L3MBTL4: variants seen among roughly 807,000 people sequenced by gnomAD.
L3MBTL4 encodes the protein lethal(3)malignant brain tumor-like protein 4.
In L3MBTL4, 70 loss-of-function variants were observed where a neutral mutation model predicts 84.5. The ratio of observed to expected loss-of-function variants is 0.83; its 90% confidence interval spans 0.68 to 1.01. The LOEUF (loss-of-function observed/expected upper bound fraction) is 1.01. L3MBTL4 is among the 50% of genes least tolerant of loss of function. The pLI, the probability that L3MBTL4 is intolerant of heterozygous loss-of-function variation, is 0.00. For synonymous variants in L3MBTL4, 274 were observed against 259.8 expected (o/e 1.05, Z -0.52); for missense variants, 715 against 754.8 (o/e 0.95, Z 0.62).
intron 16 of L3MBTL4, among the ~76,000 whole-genome samples, chr18:6,062,026 A>T (rs1440550129): frequency 6.6e-6 from 1 of 152,046 alleles, no homozygotes; most frequent in South Asian, 2.1e-4. Flanking sequence ...ATCAATTAAG[A>T]CTATAAAAAG....
intron 16 of L3MBTL4, among the ~76,000 whole-genome samples, chr18:5,993,081 A>G (rs1388605950): frequency 2.0e-5 from 3 of 152,188 alleles, no homozygotes; most frequent in South Asian, 2.1e-4. Flanking sequence ...TATGTCTGAA[A>G]GTTCCAAGAA....
chr18:6,370,788 CCCA>C (rs1326245399), intron 1 of L3MBTL4, among the ~76,000 whole-genome samples: 1 of 152,088 alleles, frequency 6.6e-6, no homozygotes, highest in African/African-American at 2.4e-5. Flanking sequence ...AAGCACTGCC[CCCA>C]CCAAGCAAGC....
intron 16 of L3MBTL4, among the ~76,000 whole-genome samples, chr18:5,986,732 T>A (rs539006400): frequency 6.6e-6 from 1 of 152,316 alleles, no homozygotes; most frequent in South Asian, 2.1e-4. Flanking sequence ...GTGCCTTCCA[T>A]GCAATAGCCT....
At chr18:6,135,259 A>T (rs1426808960) in intron 14 of L3MBTL4, among the ~76,000 whole-genome samples, 4 of 152,170 alleles carry the variant, frequency 2.6e-5, no homozygotes, top group African/African-American at 9.7e-5. Context: ...CTGGGCCTCC[A>T]GGCCTGTGAT....
chr18:5,978,657 A>C (rs2053069228), intron 16 of L3MBTL4, among the ~76,000 whole-genome samples: 2 of 152,194 alleles, frequency 1.3e-5, no homozygotes, highest in African/African-American at 4.8e-5. Context: ...GGCATGCACA[A>C]AACTGAAAGG....
At chr18:6,150,071 T>C (rs1390037715) in intron 13 of L3MBTL4, among the ~76,000 whole-genome samples, 1 of 152,162 alleles carries the variant, frequency 6.6e-6, no homozygotes, top group East Asian at 1.9e-4. Context: ...TCTTGAACTG[T>C]TTTTCCTCTC....
chr18:6,293,431 T>C (rs1349291718), intron 4 of L3MBTL4, among the ~76,000 whole-genome samples: 1 of 151,746 alleles, frequency 6.6e-6, no homozygotes, highest in African/African-American at 2.4e-5. Flanking sequence ...GGGGACTCAC[T>C]GGCCAAACTG....
chr18:6,095,270 T>C (rs1336323931), intron 14 of L3MBTL4, among the ~76,000 whole-genome samples: 2 of 152,038 alleles, frequency 1.3e-5, no homozygotes, highest in Non-Finnish European at 2.9e-5. Context: ...ACCAAGGCCT[T>C]GTGGCACTTT....
At position 6,248,308 on chromosome 18, in the gene L3MBTL4, T is replaced by C. The variant is rs554130683; in HGVS notation, c.220-3720A>G. ...TCTTTGCAACTTTCCCTCCCTCCTG[T>C]GTCATCCAAGAATGGAGTATATTGT... On this transcript the variant is annotated intron_variant, in intron 5 of 18. Transcript: ENST00000317931. Among the ~76,000 whole-genome samples, 161 of 152,322 alleles carry C rather than the reference T, an allele frequency of 1.1e-3. 4 individuals are homozygous for C. In the South Asian group the frequency reaches 0.022, roughly 21 times the overall value.
chr18:6,257,166 A>G (rs1433551273), intron 5 of L3MBTL4, among the ~76,000 whole-genome samples: 1 of 152,206 alleles, frequency 6.6e-6, no homozygotes, highest in African/African-American at 2.4e-5. Context: ...AAATCAACTA[A>G]GAGTCAGGGA....
At chr18:6,379,883 G>C (rs1466240598) in intron 1 of L3MBTL4, among the ~76,000 whole-genome samples, 2 of 152,194 alleles carry the variant, frequency 1.3e-5, no homozygotes, top group Non-Finnish European at 2.9e-5. Context: ...AATCGTTTCA[G>C]AAGGAATGGT....
At chr18:6,178,913 A>C (rs1202198364) in intron 12 of L3MBTL4, among the ~76,000 whole-genome samples, 1 of 152,028 alleles carries the variant, frequency 6.6e-6, no homozygotes, top group African/African-American at 2.4e-5. Context: ...ATGTACCCCA[A>C]CGCCTCAGTC....
intron 16 of L3MBTL4, among the ~76,000 whole-genome samples, chr18:6,005,281 G>A (rs1039640921): frequency 1.3e-5 from 2 of 151,882 alleles, no homozygotes; most frequent in African/African-American, 4.8e-5. Flanking sequence ...GGGAGGCAGA[G>A]GTTGCAGTGA....
intron 17 of L3MBTL4, among the ~76,000 whole-genome samples, chr18:5,966,702 C>G (rs755997532): frequency 6.6e-6 from 1 of 152,272 alleles, no homozygotes; most frequent in South Asian, 2.1e-4. Context: ...GCAGTCATCA[C>G]GTTATCCTCC....
At chr18:5,960,243 A>G (rs1166742246) in intron 17 of L3MBTL4, 87 bp from the exon 18 acceptor site, 26 of 678,770 alleles carry the variant, frequency 3.8e-5, no homozygotes, top group Non-Finnish European at 6.2e-5. Flanking sequence ...AGTAAAATAT[A>G]CTTAAAATCT....
intron 16 of L3MBTL4, among the ~76,000 whole-genome samples, chr18:6,070,420 T>A (rs950863870): frequency 2.6e-5 from 4 of 151,302 alleles, no homozygotes. Context: ...TGAAAAAAAA[T>A]TAACTGCCAA....
At chr18:6,124,856 T>A (rs188726167) in intron 14 of L3MBTL4, among the ~76,000 whole-genome samples, 1,664 of 152,230 alleles carry the variant, frequency 0.011, 44 homozygotes, top group African/African-American at 0.038. Flanking sequence ...GTGTTCCTTT[T>A]TTTCTTTCCA....
intron 1 of L3MBTL4, among the ~76,000 whole-genome samples, chr18:6,327,411 A>G (rs1425877695): frequency 6.6e-6 from 1 of 152,236 alleles, no homozygotes; most frequent in African/African-American, 2.4e-5. Context: ...ATATTCAAAA[A>G]TGGAATATTA....
At chr18:6,084,507 G>C (rs2058193370) in intron 15 of L3MBTL4, among the ~76,000 whole-genome samples, 1 of 152,168 alleles carries the variant, frequency 6.6e-6, no homozygotes, top group Admixed American at 6.6e-5. Flanking sequence ...CACAATAACT[G>C]TGTTTAGTTA....
Sources: allele counts gnomAD v4.1 joint callset (sites outside exome capture counted in the v4.1 genomes callset), GRCh38; gene constraint gnomAD v4.1.1; transcripts MANE v1.5; gene names NCBI Gene and HGNC (gene_info 2026-07-23, HGNC 2026-07-21).